The following XKR6 variants were observed in gnomAD, a reference collection of about 807,000 sequenced individuals.
The protein encoded by XKR6 is XK related 6.
Under a neutral mutation model 56.7 loss-of-function variants are expected in XKR6, and 22 were observed. The ratio of observed to expected loss-of-function variants is 0.39; its 90% CI spans 0.28 to 0.55. The LOEUF is 0.55. XKR6 is among the 20% of genes least tolerant of loss of function. XKR6 has a pLI of 0.66. For missense variants in XKR6, 852 were observed against 889.0 expected, an observed-to-expected ratio of 0.96 and a Z score of 0.53; for synonymous variants, 524 against 387.8, an observed-to-expected ratio of 1.35 and a Z score of -4.13.
intron 1 of XKR6, among the ~76,000 whole-genome samples, chr8:11,142,102 A>C (rs1800732936): frequency 6.6e-6 from 1 of 152,174 alleles, no homozygotes; most frequent in Non-Finnish European, 1.5e-5. Flanking sequence ...TATGAACTCA[A>C]GATGTTTTAT....
chr8:11,193,740 C>CA (rs892637346), intron 1 of XKR6, among the ~76,000 whole-genome samples: 1 of 36,052 alleles, frequency 2.8e-5, no homozygotes, highest in African/African-American at 1.0e-4. Context: ...AGGTTCTGAC[C>CA]CCCCCCCCCC....
Position 11,194,836 on chromosome 8 carries a change from G to C in XKR6, c.764+5740C>G, listed in dbSNP as rs2117145926. 1.3e-5 allele frequency: 5 copies of C among 384,408 alleles called. No homozygotes were observed. The South Asian group carries it at 1.9e-4, about 15-fold the overall frequency. 23.8% of individuals were successfully genotyped at this position (384,408 alleles called of 1,614,324 possible). A position where few individuals can be genotyped will look rare whatever the true frequency, so the allele number is the denominator to read the frequency against. On this transcript the variant is annotated intron_variant, in intron 1 of 2. Transcript: ENST00000416569. Reference sequence around the variant, plus strand: ...TAAGCACCTGCCTGCTAGATTTCAGGAGCACCAGCCTTCTTACAATACAGA... The same window carrying C: ...TAAGCACCTGCCTGCTAGATTTCAGCAGCACCAGCCTTCTTACAATACAGA...
chr8:10,997,075 T>A (rs1167953548), intron 1 of XKR6, among the ~76,000 whole-genome samples: 1 of 152,246 alleles, frequency 6.6e-6, no homozygotes, highest in African/African-American at 2.4e-5. Flanking sequence ...TCTCATCGTC[T>A]GCACCTTCTT....
chr8:11,078,971 AC>A (rs908650286), intron 1 of XKR6, among the ~76,000 whole-genome samples: 3 of 152,220 alleles, frequency 2.0e-5, no homozygotes, highest in African/African-American at 7.2e-5. Context: ...GACCTGGGTC[AC>A]CTCAGGACCA....
chr8:11,005,595 T>A (rs1483571786), intron 1 of XKR6, among the ~76,000 whole-genome samples: 6 of 152,124 alleles, frequency 3.9e-5, no homozygotes, highest in Non-Finnish European at 8.8e-5. Context: ...CACAATGAAA[T>A]ATGATGATAC....
chr8:11,094,813 C>T (rs1257409786), intron 1 of XKR6, among the ~76,000 whole-genome samples: 1 of 152,154 alleles, frequency 6.6e-6, no homozygotes, highest in South Asian at 2.1e-4. Flanking sequence ...AAAGCCCAGG[C>T]CTGCCTGCAC....
In XKR6 at chr8:10,927,293, G is replaced by A. The variant is rs541050430; in HGVS notation, c.765-2463C>T. ...CCAGATCTTTGGCACCCATGTCTAG[G>A]AGAGCTGTGTGCTGAGTGGAGCCTC... On this transcript the variant is annotated intron_variant, in intron 1 of 2. Coordinates refer to ENST00000416569, the MANE Select transcript of XKR6 (RefSeq NM_173683.4). 4.6e-5 allele frequency among the ~76,000 whole-genome samples: 7 copies of A among 152,232 alleles called. No homozygotes were observed. The East Asian group carries it at 7.7e-4, about 17-fold the overall frequency.
At chr8:11,006,340 C>T (rs777793704) in intron 1 of XKR6, among the ~76,000 whole-genome samples, 23 of 152,158 alleles carry the variant, frequency 1.5e-4, no homozygotes, top group African/African-American at 5.5e-4. Flanking sequence ...AGGCCTTCTG[C>T]CTGGGTATTA....
At chr8:11,099,162 A>C (rs532431064) in intron 1 of XKR6, among the ~76,000 whole-genome samples, 9 of 152,140 alleles carry the variant, frequency 5.9e-5, no homozygotes, top group Middle Eastern at 3.2e-3. Context: ...CGCTCCACTG[A>C]ACCACATCTC....
At chr8:11,023,894 C>T (rs1336186517) in intron 1 of XKR6, among the ~76,000 whole-genome samples, 2 of 152,204 alleles carry the variant, frequency 1.3e-5, no homozygotes, top group African/African-American at 2.4e-5. Flanking sequence ...TTCCCAAAGA[C>T]TCCGGAATGA....
chr8:11,036,614 ATC>A (rs1205356378), intron 1 of XKR6, among the ~76,000 whole-genome samples: 1 of 152,222 alleles, frequency 6.6e-6, no homozygotes, highest in Non-Finnish European at 1.5e-5. Flanking sequence ...AGCATGCTTA[ATC>A]TGATGCATGC....
At chr8:10,900,573 C>A (rs1800007045) in intron 2 of XKR6, among the ~76,000 whole-genome samples, 1 of 152,216 alleles carries the variant, frequency 6.6e-6, no homozygotes, top group Non-Finnish European at 1.5e-5. Flanking sequence ...CAAACAGGGG[C>A]AACACGATCC....
At chr8:10,901,992 G>T (rs1365192486) in intron 2 of XKR6, among the ~76,000 whole-genome samples, 1 of 152,222 alleles carries the variant, frequency 6.6e-6, no homozygotes, top group Non-Finnish European at 1.5e-5. Context: ...TGCCTTCAGA[G>T]TTACCTACCC....
intron 1 of XKR6, among the ~76,000 whole-genome samples, chr8:10,949,883 C>T (rs898405387): frequency 6.6e-6 from 1 of 152,134 alleles, no homozygotes; most frequent in Non-Finnish European, 1.5e-5. Flanking sequence ...TTCCACAGGC[C>T]AGGAGTCCCT....
At chr8:11,131,294 G>C (rs774800407) in intron 1 of XKR6, among the ~76,000 whole-genome samples, 3 of 151,996 alleles carry the variant, frequency 2.0e-5, no homozygotes, top group Non-Finnish European at 4.4e-5. Context: ...TCTTAATCTG[G>C]ATTATGCCTC....
intron 1 of XKR6, among the ~76,000 whole-genome samples, chr8:10,994,267 T>C (rs1271775323): frequency 6.6e-6 from 1 of 152,244 alleles, no homozygotes; most frequent in Non-Finnish European, 1.5e-5. Context: ...CCTCTCATTT[T>C]GAGTTGCTGC....
chr8:11,163,622 G>C (rs1009946995), intron 1 of XKR6, among the ~76,000 whole-genome samples: 2 of 152,200 alleles, frequency 1.3e-5, no homozygotes, highest in African/African-American at 4.8e-5. Context: ...GAATGTGGTC[G>C]AGACACTCAG....
chr8:11,175,461 T>G (rs1187377922), intron 1 of XKR6: 1 of 159,000 alleles, frequency 6.3e-6, no homozygotes, highest in Non-Finnish European at 1.4e-5. Flanking sequence ...CACATCGAGA[T>G]GATTCTTACT....
At chr8:11,005,822 A>C (rs548102320) in intron 1 of XKR6, among the ~76,000 whole-genome samples, 1 of 151,286 alleles carries the variant, frequency 6.6e-6, no homozygotes, top group African/African-American at 2.4e-5. Flanking sequence ...ATATATAATA[A>C]AAATATTTTT....
Sources: gnomAD v4.1 joint callset for allele counts (sites outside exome capture counted in the v4.1 genomes callset) on GRCh38, gnomAD v4.1.1 for gene constraint, MANE v1.5 for transcripts, NCBI Gene and HGNC (gene_info 2026-07-23, HGNC 2026-07-21) for gene names.